Variants in PCDH7 observed in about 807,000 individuals in gnomAD.
PCDH7 encodes the protein protocadherin-7.
In PCDH7, 17 loss-of-function variants were observed where a neutral mutation model predicts 58.9. The ratio of observed to expected loss-of-function variants is 0.29; its 90% CI spans 0.20 to 0.43. The LOEUF (loss-of-function observed/expected upper bound fraction) is 0.43. Among genes scored for constraint, PCDH7 ranks in the 20% least tolerant of loss-of-function variants. PCDH7 has a pLI of 1.00. For missense variants in PCDH7, 1,274 were observed against 1,441.0 expected (o/e 0.88, Z 1.88); for synonymous variants, 664 against 616.4 (o/e 1.08, Z -1.14).
At chr4:31,102,473 A>G (rs1309961052) in intron 3 of PCDH7, among the ~76,000 whole-genome samples, 3 of 152,134 alleles carry the variant, frequency 2.0e-5, no homozygotes, top group African/African-American at 7.2e-5. Flanking sequence ...CTGTAATTCC[A>G]GCACTTTGGG....
At chr4:31,133,605 T>A (rs1719240199) in intron 3 of PCDH7, among the ~76,000 whole-genome samples, 1 of 152,182 alleles carries the variant, frequency 6.6e-6, no homozygotes, top group Non-Finnish European at 1.5e-5. Flanking sequence ...TTCACATGAG[T>A]ACCGCTGCTG....
chr4:30,860,043 T>A (rs1020325525), intron 1 of PCDH7, among the ~76,000 whole-genome samples: 1 of 152,158 alleles, frequency 6.6e-6, no homozygotes, highest in Non-Finnish European at 1.5e-5. Flanking sequence ...GAATCAGTCT[T>A]TGTTAGAGCA....
At chr4:30,888,330 A>G (rs933518988) in intron 1 of PCDH7, among the ~76,000 whole-genome samples, 3 of 152,166 alleles carry the variant, frequency 2.0e-5, no homozygotes, top group Admixed American at 2.0e-4. Flanking sequence ...ATATATTCAC[A>G]TAATAGAAGG....
chr4:31,039,392 T>G (rs1051305998), intron 3 of PCDH7, among the ~76,000 whole-genome samples: 7 of 152,198 alleles, frequency 4.6e-5, no homozygotes, highest in African/African-American at 1.7e-4. Context: ...TGTTTTGTTT[T>G]GCTTTGTTTT....
chr4:31,042,022 T>A (rs961845424), intron 3 of PCDH7, among the ~76,000 whole-genome samples: 7 of 152,128 alleles, frequency 4.6e-5, no homozygotes, highest in Non-Finnish European at 8.8e-5. Flanking sequence ...CAGGCAGCAT[T>A]CCCTCTGCAG....
chr4:31,142,919 A>G, exon 4 of PCDH7: 2 of 1,172,188 alleles, frequency 1.7e-6, no homozygotes, highest in Non-Finnish European at 2.2e-6. Flanking sequence ...AACCTTACAA[A>G]GCAAAACGTT....
At chr4:31,045,214 TTATC>T (rs1385080139) in intron 3 of PCDH7, among the ~76,000 whole-genome samples, 1 of 152,058 alleles carries the variant, frequency 6.6e-6, no homozygotes, top group Non-Finnish European at 1.5e-5. Context: ...TTCTGGTACT[TTATC>T]TGAAGTGGAA....
intron 1 of PCDH7, among the ~76,000 whole-genome samples, chr4:30,750,902 G>A (rs1421177523): frequency 6.6e-6 from 1 of 151,992 alleles, no homozygotes; most frequent in Non-Finnish European, 1.5e-5. Flanking sequence ...TTTCCAGGAT[G>A]TAGAAAGTTC....
chr4:31,057,633 C>T (rs1757359761), intron 3 of PCDH7, among the ~76,000 whole-genome samples: 1 of 151,994 alleles, frequency 6.6e-6, no homozygotes, highest in South Asian at 2.1e-4. Flanking sequence ...TAGGTATATC[C>T]CTTTAGGAAT....
chr4:30,758,584 A>G (rs1719614008), intron 1 of PCDH7, among the ~76,000 whole-genome samples: 1 of 152,178 alleles, frequency 6.6e-6, no homozygotes. Context: ...AACATTCACA[A>G]AGATAAAAAC....
intron 3 of PCDH7, among the ~76,000 whole-genome samples, chr4:31,110,610 C>T (rs958373380): frequency 6.6e-6 from 1 of 152,030 alleles, no homozygotes; most frequent in Admixed American, 6.6e-5. Context: ...TATCAGAGAA[C>T]AAATCTTAAA....
intron 1 of PCDH7, among the ~76,000 whole-genome samples, chr4:30,788,307 T>G (rs1311888923): frequency 6.6e-6 from 1 of 152,148 alleles, no homozygotes; most frequent in Non-Finnish European, 1.5e-5. Flanking sequence ...AGTCACCATG[T>G]GCCATAATAA....
intron 1 of PCDH7, among the ~76,000 whole-genome samples, chr4:30,825,870 G>A (rs1729039276): frequency 6.6e-6 from 1 of 152,122 alleles, no homozygotes; most frequent in East Asian, 1.9e-4. Context: ...TAATAAGATG[G>A]GGTGGCTGCC....
chr4:31,123,242 T>G (rs1717900122), intron 3 of PCDH7, among the ~76,000 whole-genome samples: 1 of 152,144 alleles, frequency 6.6e-6, no homozygotes. Context: ...CACCTTTAAT[T>G]TTTGCCAGGA....
chr4:30,995,960 C>G (rs895987743), intron 3 of PCDH7, among the ~76,000 whole-genome samples: 25 of 152,140 alleles, frequency 1.6e-4, no homozygotes, highest in Non-Finnish European at 2.8e-4. Flanking sequence ...ATCCTCCACC[C>G]CATGCCATGT....
At chr4:31,133,482 A>G (rs926830888) in intron 3 of PCDH7, among the ~76,000 whole-genome samples, 5 of 152,196 alleles carry the variant, frequency 3.3e-5, no homozygotes, top group Non-Finnish European at 7.3e-5. Context: ...GGGATAATCA[A>G]TTGGTTATTG....
At chr4:31,120,441 C>CTTTTTTTTTTTTTTTTTTTTTTTT (rs138878762) in intron 3 of PCDH7, among the ~76,000 whole-genome samples, 12 of 107,940 alleles carry the variant, frequency 1.1e-4, no homozygotes, top group Non-Finnish European at 2.1e-4. Context: ...CTATTTTTTT[C>CTTTTTTTTTTTTTTTTTTTTTTTT]TTTTTTTTTT....
chr4:31,021,519 C>T (rs1166787252), intron 3 of PCDH7, among the ~76,000 whole-genome samples: 1 of 152,104 alleles, frequency 6.6e-6, no homozygotes, highest in Non-Finnish European at 1.5e-5. Context: ...GTGCTTTAAC[C>T]CAACATACAT....
chr4:30,737,022 A>G (rs2109244268), downstream of PCDH7, among the ~76,000 whole-genome samples: 1 of 152,152 alleles, frequency 6.6e-6, no homozygotes, highest in African/African-American at 2.4e-5. Context: ...CCACCTTCTT[A>G]CTGGTTTACT....
Sources: gnomAD v4.1 joint callset for allele counts (sites outside exome capture counted in the v4.1 genomes callset) on GRCh38, gnomAD v4.1.1 for gene constraint, MANE v1.5 for transcripts, NCBI Gene and HGNC (gene_info 2026-07-23, HGNC 2026-07-21) for gene names.